MAP4K5: variants seen among roughly 807,000 people sequenced by gnomAD.
The protein encoded by MAP4K5 is MAPK/ERK kinase kinase kinase 5.
Under a neutral mutation model 135.6 loss-of-function variants are expected in MAP4K5, and 82 were observed. The ratio of observed to expected loss-of-function variants is 0.60; its 90% CI spans 0.51 to 0.73. The LOEUF is 0.73. Among genes scored for constraint, MAP4K5 ranks in the 30% least tolerant of loss-of-function variants. The pLI is 0.00. For synonymous variants in MAP4K5, 347 were observed against 335.0 expected, an observed-to-expected ratio of 1.04 and a Z score of -0.39; for missense variants, 907 against 1,010.9, an observed-to-expected ratio of 0.90 and a Z score of 1.39.
At chr14:50,536,554 GA>G (rs1188954827), upstream of MAP4K5, among the ~76,000 whole-genome samples, 1 of 152,150 alleles carries the variant, frequency 6.6e-6, no homozygotes, top group African/African-American at 2.4e-5. Context: ...AGAGTTTGGA[GA>G]GCTCAGAAGA....
intron 12 of MAP4K5, 82 bp downstream of exon 12, chr14:50,463,970 C>A: frequency 2.1e-5 from 11 of 517,924 alleles, no homozygotes; most frequent in East Asian, 5.8e-5. Context: ...ACATTTTTAT[C>A]TTAAAAACAT....
chr14:50,513,176 C>G (rs2037964796), intron 2 of MAP4K5, among the ~76,000 whole-genome samples: 1 of 152,122 alleles, frequency 6.6e-6, no homozygotes, highest in African/African-American at 2.4e-5. Flanking sequence ...TAGAATCATT[C>G]CAATTAAATT....
At chr14:50,545,467 T>G (rs533901337) in intron 1 of MAP4K5, among the ~76,000 whole-genome samples, 3 of 151,940 alleles carry the variant, frequency 2.0e-5, no homozygotes, top group African/African-American at 4.8e-5. Context: ...CCATGTGGGG[T>G]GAAATAGTCC....
rs1346711442 is a variant in MAP4K5 at position 50,448,773 on chromosome 14, C to G, written c.1074+1G>C. The stretch of plus-strand genomic sequence containing the variant: ...ATAATGCTTTAAAAATGAATTCTTA[C>G]CATTTCATCTCGTGCTTCTGTTTCT... On this transcript the variant is annotated splice_donor_variant, in intron 15 of 32. Transcript: ENST00000682126. LOFTEE classifies it high-confidence loss of function. The G allele has an allele frequency of 1.9e-6, 3 of 1,545,978 alleles. No homozygotes were observed. Among genetic ancestry groups the G allele is most frequent in the Non-Finnish European group, 2.6e-6 (3 of 1,138,908 alleles).
intron 1 of MAP4K5, among the ~76,000 whole-genome samples, chr14:50,558,140 A>G (rs2038786451): frequency 2.0e-5 from 3 of 152,212 alleles, no homozygotes; most frequent in Admixed American, 1.3e-4. Flanking sequence ...TGAGGTGGGC[A>G]GATCGCTTGA....
Position 50,486,207 on chromosome 14 carries a change from A to C in MAP4K5, c.167-13T>G. ...GAAAAATCATCTCCTGGAAAACAAAATAAGTTGTTTATCATGTTACTCAAA... is the reference window on the plus strand; with the variant it reads ...GAAAAATCATCTCCTGGAAAACAAACTAAGTTGTTTATCATGTTACTCAAA... On this transcript the variant is annotated splice_polypyrimidine_tract_variant and intron_variant, in intron 3 of 32. Coordinates refer to ENST00000682126, the MANE Select transcript of MAP4K5 (RefSeq NM_006575.6). 1.1e-6 allele frequency: 1 copy of C among 916,952 alleles called. No homozygotes were observed. The highest frequency in any genetic ancestry group is 2.8e-5 in the East Asian group (1 of 35,608). 56.8% of individuals were successfully genotyped at this position (916,952 alleles called of 1,614,324 possible). A position where few individuals can be genotyped will look rare whatever the true frequency, so the allele number is the denominator to read the frequency against.
rs111493556 is a variant in MAP4K5 at position 50,457,722 on chromosome 14, C to T, written c.937-1128G>A. 3.0e-4 allele frequency among the ~76,000 whole-genome samples: 45 copies of T among 152,290 alleles called. 2 individuals carry two copies. Among genetic ancestry groups the T allele is most frequent in the Admixed American group, 2.4e-3 (36 of 15,286 alleles). On this transcript the variant is annotated intron_variant, in intron 13 of 32. Transcript: ENST00000682126. ...TGAATTTCCTCTATATTACAAATCT[C>T]TGATCTTTTGAGCTTACTCTCTCAC...
At chr14:50,436,365 T>C (rs780088299) in intron 26 of MAP4K5, among the ~76,000 whole-genome samples, 3 of 152,186 alleles carry the variant, frequency 2.0e-5, no homozygotes, top group Non-Finnish European at 2.9e-5. Flanking sequence ...GGGACTCTGG[T>C]CACTGGATAA....
chr14:50,470,923 A>G (rs1051813042), intron 9 of MAP4K5, among the ~76,000 whole-genome samples: 1 of 152,204 alleles, frequency 6.6e-6, no homozygotes, highest in African/African-American at 2.4e-5. Flanking sequence ...ACTGAGAATA[A>G]AGAAGATAAA....
At chr14:50,442,421 A>T (rs111469039) in intron 21 of MAP4K5, among the ~76,000 whole-genome samples, 38 of 152,108 alleles carry the variant, frequency 2.5e-4, no homozygotes, top group Non-Finnish European at 5.0e-4. Flanking sequence ...GGTTATCTAT[A>T]ATTCTTACTA....
At chr14:50,497,961 T>C (rs1380062597) in intron 3 of MAP4K5, among the ~76,000 whole-genome samples, 1 of 152,124 alleles carries the variant, frequency 6.6e-6, no homozygotes, top group Non-Finnish European at 1.5e-5. Context: ...GCTTAAAATA[T>C]TATTTTGTAG....
At chr14:50,534,507 A>G (rs946519237), upstream of MAP4K5, among the ~76,000 whole-genome samples, 6 of 152,256 alleles carry the variant, frequency 3.9e-5, no homozygotes, top group Admixed American at 2.6e-4. Flanking sequence ...TCCTTTAAGC[A>G]TGTTATTCTT....
chr14:50,498,456 C>T (rs2037640090), intron 3 of MAP4K5, among the ~76,000 whole-genome samples: 2 of 152,134 alleles, frequency 1.3e-5, no homozygotes, highest in Admixed American at 6.5e-5. Flanking sequence ...GGAAGGAATG[C>T]TGACTTCATT....
chr14:50,541,302 C>G (rs2038557321), intron 2 of MAP4K5, among the ~76,000 whole-genome samples: 1 of 152,136 alleles, frequency 6.6e-6, no homozygotes, highest in African/African-American at 2.4e-5. Flanking sequence ...TAACATTATG[C>G]AAATTGCACC....
Position 50,498,730 on chromosome 14 carries a change from G to A in MAP4K5, c.166+6070C>T, listed in dbSNP as rs547481715. 3.3e-5 allele frequency among the ~76,000 whole-genome samples: 5 copies of A among 152,148 alleles called. No individual in the cohort carries two copies. In the South Asian group the frequency reaches 1.0e-3, roughly 32 times the overall value. On this transcript the variant is annotated intron_variant, in intron 3 of 32. Transcript: ENST00000682126. The stretch of plus-strand genomic sequence containing the variant: ...AGAAAAGCATGTTAAGTTTACAGCT[G>A]GAATTTCATTTACTTAAAAAAATTT...
intron 14 of MAP4K5, chr14:50,450,327 G>A (rs1040868383): frequency 6.6e-6 from 1 of 152,178 alleles, no homozygotes; most frequent in Admixed American, 6.5e-5. Flanking sequence ...CTGCATGTTT[G>A]TGTGTGTACA....
chr14:50,508,328 C>T (rs1262611739), intron 2 of MAP4K5, among the ~76,000 whole-genome samples: 1 of 152,082 alleles, frequency 6.6e-6, no homozygotes, highest in African/African-American at 2.4e-5. Context: ...AAATGTCCAT[C>T]AATGATAGAC....
chr14:50,503,261 A>T (rs994515598), intron 3 of MAP4K5, among the ~76,000 whole-genome samples: 5 of 152,102 alleles, frequency 3.3e-5, no homozygotes, highest in African/African-American at 1.2e-4. Context: ...AACCAAAAAA[A>T]TTTTTAAATG....
intron 2 of MAP4K5, among the ~76,000 whole-genome samples, chr14:50,509,271 T>C (rs2037880441): frequency 6.6e-6 from 1 of 152,076 alleles, no homozygotes. Flanking sequence ...TTAGGAGAAA[T>C]ACCTAATGTA....
Sources: allele counts gnomAD v4.1 joint callset (sites outside exome capture counted in the v4.1 genomes callset), GRCh38; gene constraint gnomAD v4.1.1; transcripts MANE v1.5; gene names NCBI Gene and HGNC (gene_info 2026-07-23, HGNC 2026-07-21).